STX8: variants seen among roughly 807,000 people sequenced by gnomAD.
STX8 encodes syntaxin-8.
In STX8, 23 loss-of-function variants were observed where a neutral mutation model predicts 37.5. That is an observed-to-expected ratio of 0.61 (90% CI 0.44 to 0.87). The LOEUF (loss-of-function observed/expected upper bound fraction) is 0.87, where lower values mean the gene tolerates loss of function less well. Among genes scored for constraint, STX8 ranks in the 40% least tolerant of loss-of-function variants. STX8 has a pLI of 0.00. For synonymous variants in STX8, 115 were observed against 99.1 expected (o/e 1.16, Z -0.95); for missense variants, 313 against 284.7 (o/e 1.10, Z -0.71).
At chr17:9,423,012 C>T (rs531651417) in intron 6 of STX8, among the ~76,000 whole-genome samples, 1 of 152,338 alleles carries the variant, frequency 6.6e-6, no homozygotes, top group African/African-American at 2.4e-5. Context: ...AGAAGCATCT[C>T]TGGGATTAAT....
intron 6 of STX8, among the ~76,000 whole-genome samples, chr17:9,475,080 AAGAG>A (rs1418976991): frequency 6.6e-6 from 1 of 152,194 alleles, no homozygotes; most frequent in Non-Finnish European, 1.5e-5. Flanking sequence ...AAAAATGCAA[AAGAG>A]AGAGACTTTG....
At chr17:9,289,910 G>C (rs1376326273) in intron 7 of STX8, among the ~76,000 whole-genome samples, 1 of 152,156 alleles carries the variant, frequency 6.6e-6, no homozygotes, top group Admixed American at 6.5e-5. Flanking sequence ...ATATTGATAT[G>C]GTCAAAATGA....
chr17:9,265,965 C>G (rs945936282), intron 7 of STX8, among the ~76,000 whole-genome samples: 69 of 152,152 alleles, frequency 4.5e-4, no homozygotes, highest in Admixed American at 4.6e-4. Flanking sequence ...GCACACACCC[C>G]CTTTCCCTCG....
rs991994073 is a variant in STX8 at position 9,483,182 on chromosome 17, C to T, written c.541+8647G>A. On this transcript the variant is annotated intron_variant, in intron 6 of 7. Coordinates refer to ENST00000306357, the MANE Select transcript of STX8 (RefSeq NM_004853.3). ...CAGTTTCACTGGACTGAAATTGAGG[C>T]GACCCCCGCAGAAGCTCTCAGGAAG... 5.9e-5 allele frequency among the ~76,000 whole-genome samples: 9 copies of T among 152,032 alleles called. 2 individuals are homozygous for T. Among genetic ancestry groups the T allele is most frequent in the East Asian group, 3.9e-4 (2 of 5,184 alleles).
intron 5 of STX8, among the ~76,000 whole-genome samples, chr17:9,494,810 T>A (rs1904328827): frequency 6.6e-6 from 1 of 152,098 alleles, no homozygotes; most frequent in South Asian, 2.1e-4. Context: ...AATATGTATA[T>A]TTTGAACTGG....
intron 7 of STX8, among the ~76,000 whole-genome samples, chr17:9,336,923 T>C (rs7220761): frequency 0.17 from 25,136 of 152,230 alleles, 2,496 homozygotes; most frequent in African/African-American, 0.27. Flanking sequence ...AATGAAGTTC[T>C]GAACATTTGA....
intron 4 of STX8, among the ~76,000 whole-genome samples, chr17:9,518,738 G>A (rs1567594707): frequency 6.6e-6 from 1 of 151,942 alleles, no homozygotes; most frequent in East Asian, 1.9e-4. Context: ...CGTAGTGGTG[G>A]GCGCCTGCAA....
chr17:9,348,081 G>A (rs777092335), intron 7 of STX8, among the ~76,000 whole-genome samples: 10 of 152,074 alleles, frequency 6.6e-5, no homozygotes, highest in Non-Finnish European at 1.5e-4. Context: ...TAAACTGAAG[G>A]AATTTATCCT....
intron 6 of STX8, among the ~76,000 whole-genome samples, chr17:9,420,745 G>C (rs1913394529): frequency 6.6e-6 from 1 of 152,110 alleles, no homozygotes; most frequent in Non-Finnish European, 1.5e-5. Flanking sequence ...CAGTGTTCCT[G>C]CCGAGGTCAT....
At chr17:9,263,797 T>C (rs1413490651) in intron 7 of STX8, among the ~76,000 whole-genome samples, 5 of 152,228 alleles carry the variant, frequency 3.3e-5, no homozygotes, top group South Asian at 4.1e-4. Context: ...GTCTCGCTAA[T>C]TGTATTTTCT....
chr17:9,388,941 A>G (rs73257835), intron 6 of STX8, among the ~76,000 whole-genome samples: 1,613 of 152,330 alleles, frequency 0.011, 31 homozygotes, highest in African/African-American at 0.036. Flanking sequence ...TGGTTACAAA[A>G]TATTCATTCC....
At chr17:9,259,394 GTC>G (rs962508991) in intron 7 of STX8, among the ~76,000 whole-genome samples, 2 of 152,212 alleles carry the variant, frequency 1.3e-5, no homozygotes, top group African/African-American at 4.8e-5. Context: ...AACAGAGCCA[GTC>G]TCTCAGCTTA....
intron 6 of STX8, among the ~76,000 whole-genome samples, chr17:9,408,454 G>A (rs1319668640): frequency 6.6e-6 from 1 of 152,178 alleles, no homozygotes; most frequent in African/African-American, 2.4e-5. Context: ...ACCACCCTGG[G>A]TTATGAATCA....
At chr17:9,313,859 T>C (rs1909281111) in intron 7 of STX8, among the ~76,000 whole-genome samples, 1 of 152,184 alleles carries the variant, frequency 6.6e-6, no homozygotes, top group African/African-American at 2.4e-5. Context: ...CTCGATCTCC[T>C]GACCTCGTGA....
At chr17:9,432,510 A>G (rs1914018360) in intron 6 of STX8, among the ~76,000 whole-genome samples, 1 of 152,180 alleles carries the variant, frequency 6.6e-6, no homozygotes, top group Non-Finnish European at 1.5e-5. Context: ...AGAAAAAAAA[A>G]ATGCCCTCTA....
At chr17:9,259,872 G>C (rs12945366) in intron 7 of STX8, among the ~76,000 whole-genome samples, 27,602 of 152,088 alleles carry the variant, frequency 0.18, 3,032 homozygotes, top group Non-Finnish European at 0.26. Context: ...AGGGGAGCCT[G>C]TGCGTCTGGC....
At chr17:9,382,651 TG>T (rs369882160) in intron 6 of STX8, among the ~76,000 whole-genome samples, 49 of 152,320 alleles carry the variant, frequency 3.2e-4, no homozygotes, top group African/African-American at 1.1e-3. Context: ...GCATAGTGTT[TG>T]TATGAGAAAG....
At chr17:9,557,867 T>C (rs1156742638) in intron 2 of STX8, among the ~76,000 whole-genome samples, 8 of 152,174 alleles carry the variant, frequency 5.3e-5, no homozygotes, top group African/African-American at 1.9e-4. Context: ...TGTATCTACC[T>C]TGGAACCACG....
At chr17:9,388,237 A>G (rs928944141) in intron 6 of STX8, among the ~76,000 whole-genome samples, 6 of 151,344 alleles carry the variant, frequency 4.0e-5, no homozygotes, top group Admixed American at 1.3e-4. Flanking sequence ...ACACCAGCTA[A>G]TTTTTTATAT....
Sources: allele counts gnomAD v4.1 joint callset (sites outside exome capture counted in the v4.1 genomes callset), GRCh38; gene constraint gnomAD v4.1.1; transcripts MANE v1.5; gene names NCBI Gene and HGNC (gene_info 2026-07-23, HGNC 2026-07-21).